C1orf21: variants seen among roughly 807,000 people sequenced by gnomAD.
The protein encoded by C1orf21 is chromosome 1 open reading frame 21.
C1orf21 carries 3 observed loss-of-function variants against 18.7 expected under a neutral mutation model. The ratio of observed to expected loss-of-function variants is 0.16; its 90% CI spans 0.07 to 0.42. C1orf21 has a LOEUF of 0.42. Among genes scored for constraint, C1orf21 ranks in the 10% least tolerant of loss-of-function variants. C1orf21 has a pLI of 0.99. For synonymous variants in C1orf21, 41 were observed against 46.4 expected, an observed-to-expected ratio of 0.88 and a Z score of 0.47; for missense variants, 104 against 143.6, an observed-to-expected ratio of 0.72 and a Z score of 1.41.
At chr1:184,474,330 G>T (rs571929025) in intron 1 of C1orf21, among the ~76,000 whole-genome samples, 1 of 151,902 alleles carries the variant, frequency 6.6e-6, no homozygotes, top group South Asian at 2.1e-4. Context: ...ATTTGAATTG[G>T]GTGTAAATCA....
intron 3 of C1orf21, among the ~76,000 whole-genome samples, chr1:184,518,943 C>T (rs770151924): frequency 2.0e-5 from 3 of 151,926 alleles, no homozygotes; most frequent in Non-Finnish European, 2.9e-5. Flanking sequence ...AGTGTCACCC[C>T]GGCATGGAGA....
chr1:184,573,526 A>G (rs1180778222), intron 3 of C1orf21, among the ~76,000 whole-genome samples: 1 of 152,104 alleles, frequency 6.6e-6, no homozygotes, highest in Non-Finnish European at 1.5e-5. Flanking sequence ...TTTAGAAATA[A>G]CTCCAAAAAC....
intron 2 of C1orf21, among the ~76,000 whole-genome samples, chr1:184,502,410 T>A (rs1054570670): frequency 2.6e-5 from 4 of 152,166 alleles, no homozygotes; most frequent in African/African-American, 9.7e-5. Context: ...TCATGGGAAT[T>A]AAATTCAACA....
Position 184,407,896 on chromosome 1 carries a change from C to G in C1orf21, c.-125+20528C>G, listed in dbSNP as rs146435021. ...GCTGATAGTCATGATAAATAGGAAA[C>G]AGTTTGAAAAGGTCCCATGGTCTGG... On this transcript the variant is annotated intron_variant, in intron 1 of 5. Transcript: ENST00000235307. 9.2e-3 allele frequency among the ~76,000 whole-genome samples: 1,395 copies of G among 152,242 alleles called. 12 individuals carry two copies. The highest frequency in any genetic ancestry group is 0.015 in the Non-Finnish European group (1,021 of 68,014).
Position 184,619,844 on chromosome 1 carries a change from A to G in C1orf21, c.*288A>G, listed in dbSNP as rs1034625485. 4 of 303,828 alleles carry G rather than the reference A, an allele frequency of 1.3e-5. No individual in the cohort carries two copies. The highest frequency in any genetic ancestry group is 7.1e-5 in the South Asian group (1 of 14,148). The allele number at this position is 303,828 out of a possible 1,614,324, so 18.8% of individuals were successfully genotyped here. ...TCCAGGTATGCAGCAAAATTCTGCA[A>G]TTTCACCTTAAAGATACTGTTGGTT... On this transcript the variant is annotated 3_prime_UTR_variant, in exon 6 of 6. Coordinates refer to ENST00000235307, the MANE Select transcript of C1orf21 (RefSeq NM_030806.4).
chr1:184,458,534 C>T (rs1019676648), intron 1 of C1orf21, among the ~76,000 whole-genome samples: 13 of 152,270 alleles, frequency 8.5e-5, no homozygotes, highest in Admixed American at 7.2e-4. Context: ...ATACCTGGCA[C>T]ATGTGTACTG....
At chr1:184,571,252 C>G (rs529489550) in intron 3 of C1orf21, among the ~76,000 whole-genome samples, 2 of 147,106 alleles carry the variant, frequency 1.4e-5, no homozygotes, top group African/African-American at 2.5e-5. Flanking sequence ...AGCCGAGATC[C>G]CGCCACTGCA....
chr1:184,449,318 C>G (rs879376973), intron 1 of C1orf21, among the ~76,000 whole-genome samples: 2 of 151,444 alleles, frequency 1.3e-5, no homozygotes, highest in African/African-American at 4.9e-5. Context: ...TTTGTCCTTG[C>G]GATAGTTTGC....
At chr1:184,535,299 CTGTGATGT>C (rs1219515151) in intron 3 of C1orf21, among the ~76,000 whole-genome samples, 1 of 152,130 alleles carries the variant, frequency 6.6e-6, no homozygotes, top group Non-Finnish European at 1.5e-5. Context: ...TTTAGTTGTC[CTGTGATGT>C]TGTGACTTAG....
chr1:184,611,111 T>A (rs952005232), intron 5 of C1orf21, among the ~76,000 whole-genome samples: 1 of 152,098 alleles, frequency 6.6e-6, no homozygotes, highest in Non-Finnish European at 1.5e-5. Context: ...GCTGAAACAA[T>A]AACACGTGAG....
intron 2 of C1orf21, among the ~76,000 whole-genome samples, chr1:184,505,378 AC>A (rs1407753607): frequency 1.4e-5 from 2 of 145,652 alleles, no homozygotes; most frequent in Non-Finnish European, 3.0e-5. Context: ...GTATATATTC[AC>A]CTATATATAT....
chr1:184,465,453 C>T (rs1206468431), intron 1 of C1orf21, among the ~76,000 whole-genome samples: 1 of 151,934 alleles, frequency 6.6e-6, no homozygotes, highest in African/African-American at 2.4e-5. Context: ...GGGGCTTGGT[C>T]CAGAAAATGA....
At position 184,524,837 on chromosome 1, in the gene C1orf21, G is replaced by A. The variant is rs202226626; in HGVS notation, c.189+17155G>A. Reference sequence around the variant, plus strand: ...ATACGGTTTCTGCTTCAACCTAAAGGCAGCTTGTAGTCTAGTAAATGATGA... The same window carrying A: ...ATACGGTTTCTGCTTCAACCTAAAGACAGCTTGTAGTCTAGTAAATGATGA... On this transcript the variant is annotated intron_variant, in intron 3 of 5. Coordinates refer to ENST00000235307, the MANE Select transcript of C1orf21 (RefSeq NM_030806.4). 1.4e-4 allele frequency among the ~76,000 whole-genome samples: 22 copies of A among 152,148 alleles called. No homozygotes were observed. In the East Asian group the frequency reaches 2.3e-3, roughly 16 times the overall value.
chr1:184,611,175 G>A (rs2102008579), intron 5 of C1orf21, among the ~76,000 whole-genome samples: 1 of 152,274 alleles, frequency 6.6e-6, no homozygotes, highest in African/African-American at 2.4e-5. Context: ...TGCCTCGATT[G>A]ATTTTTCTAA....
intron 1 of C1orf21, among the ~76,000 whole-genome samples, chr1:184,425,095 G>A (rs1441236326): frequency 1.3e-5 from 2 of 152,074 alleles, no homozygotes; most frequent in Non-Finnish European, 2.9e-5. Context: ...CATGAATGGG[G>A]CCTGAATGTT....
chr1:184,559,497 TCCTTCCCC>T (rs1399096491), intron 3 of C1orf21, among the ~76,000 whole-genome samples: 9 of 108,754 alleles, frequency 8.3e-5, no homozygotes, highest in African/African-American at 3.3e-4. Flanking sequence ...CTTCCTTCCT[TCCTTCCCC>T]CCTTCCTTCC....
intron 1 of C1orf21, among the ~76,000 whole-genome samples, chr1:184,447,147 C>A (rs1052399083): frequency 1.7e-4 from 26 of 152,090 alleles, no homozygotes; most frequent in African/African-American, 6.0e-4. Context: ...ACAGTTTCTT[C>A]TTCTGTGTGC....
chr1:184,387,474 G>A lies in C1orf21; in HGVS notation c.-125+106G>A, dbSNP rs932829316. ...CGGGTGGGCAGGGAGGGAGGCCTGCGGGGTGTCTGCCGCACGGAAGGGATG... is the reference window on the plus strand; with the variant it reads ...CGGGTGGGCAGGGAGGGAGGCCTGCAGGGTGTCTGCCGCACGGAAGGGATG... On this transcript the variant is annotated intron_variant, in intron 1 of 5. Coordinates refer to ENST00000235307, the MANE Select transcript of C1orf21 (RefSeq NM_030806.4). The surrounding 1 kb of genome is among the most constrained non-coding windows in gnomAD (Gnocchi z 5.6). 2.6e-5 allele frequency: 4 copies of A among 152,376 alleles called. No individual in the cohort carries two copies. Among genetic ancestry groups the A allele is most frequent in the Non-Finnish European group, 5.9e-5 (4 of 68,248 alleles). The allele number at this position is 152,376 out of a possible 1,614,324, so 9.4% of individuals were successfully genotyped here. A position where few individuals can be genotyped will look rare whatever the true frequency, so the allele number is the denominator to read the frequency against.
At chr1:184,475,602 G>A (rs936827183) in intron 1 of C1orf21, among the ~76,000 whole-genome samples, 2 of 152,200 alleles carry the variant, frequency 1.3e-5, no homozygotes, top group East Asian at 1.9e-4. Flanking sequence ...GTATTACACT[G>A]TATTGCGTGC....
Sources: gnomAD v4.1 joint callset for allele counts (sites outside exome capture counted in the v4.1 genomes callset) on GRCh38, gnomAD v4.1.1 for gene constraint, Gnocchi (gnomAD v3.1) non-coding constraint, MANE v1.5 for transcripts, NCBI Gene and HGNC (gene_info 2026-07-23, HGNC 2026-07-21) for gene names.